Variants in RHBDL2 observed in about 807,000 individuals in gnomAD.
RHBDL2 encodes the protein rhomboid like 2, also known as rhomboid-related protein 2.
A neutral mutation model predicts 31.7 loss-of-function variants in RHBDL2; 26 were observed. The observed-to-expected ratio is 0.82, with a 90% CI of 0.60 to 1.14. The LOEUF is 1.14. RHBDL2 is among the 50% of genes most tolerant of loss of function. RHBDL2 has a pLI of 0.00. For synonymous variants in RHBDL2, 123 were observed against 127.2 expected, an observed-to-expected ratio of 0.97 and a Z score of 0.22; for missense variants, 336 against 364.4, an observed-to-expected ratio of 0.92 and a Z score of 0.63.
chr1:38,892,629 C>A (rs561696769), intron 6 of RHBDL2, among the ~76,000 whole-genome samples: 2 of 152,094 alleles, frequency 1.3e-5, no homozygotes, highest in African/African-American at 2.4e-5. Context: ...TGTGGAAAGG[C>A]CTTCTGAAGC....
At chr1:38,913,297 T>C (rs1222463427) in intron 3 of RHBDL2, among the ~76,000 whole-genome samples, 1 of 151,878 alleles carries the variant, frequency 6.6e-6, no homozygotes, top group Admixed American at 6.6e-5. Context: ...ACTATAATAC[T>C]GTACTGCCTT....
intron 5 of RHBDL2, among the ~76,000 whole-genome samples, chr1:38,894,543 G>T (rs1247287549): frequency 6.6e-6 from 1 of 151,636 alleles, no homozygotes; most frequent in Non-Finnish European, 1.5e-5. Flanking sequence ...GGATGGTCCC[G>T]ATCTCTTGAC....
chr1:38,916,577 G>C (rs1251518192), intron 2 of RHBDL2, among the ~76,000 whole-genome samples: 2 of 152,156 alleles, frequency 1.3e-5, no homozygotes, highest in African/African-American at 2.4e-5. Flanking sequence ...AGACGCAGTG[G>C]CTCATGCCTA....
intron 6 of RHBDL2, among the ~76,000 whole-genome samples, 172 bp downstream of exon 6, chr1:38,892,992 C>T (rs551420582): frequency 6.6e-6 from 1 of 152,330 alleles, no homozygotes; most frequent in African/African-American, 2.4e-5. Flanking sequence ...ATTTATCTTT[C>T]TAATAAAACC....
At chr1:38,934,013 C>T (rs1229319568) in intron 1 of RHBDL2, among the ~76,000 whole-genome samples, 2 of 152,094 alleles carry the variant, frequency 1.3e-5, no homozygotes, top group Non-Finnish European at 2.9e-5. Context: ...CAGGAGTTAT[C>T]CACCGTGCTG....
intron 1 of RHBDL2, among the ~76,000 whole-genome samples, chr1:38,938,689 T>G (rs1457978848): frequency 3.9e-5 from 6 of 152,212 alleles, no homozygotes; most frequent in Non-Finnish European, 8.8e-5. Context: ...CCTTTACAAC[T>G]CCTCTGCAAA....
At chr1:38,926,018 C>G in intron 1 of RHBDL2, 7 of 1,264,020 alleles carry the variant, frequency 5.5e-6, no homozygotes, top group Non-Finnish European at 6.2e-6. Flanking sequence ...ACAACATGTA[C>G]GTAGTCGTCA....
At chr1:38,903,846 T>C (rs1222046582) in intron 4 of RHBDL2, among the ~76,000 whole-genome samples, 2 of 152,174 alleles carry the variant, frequency 1.3e-5, no homozygotes, top group Non-Finnish European at 2.9e-5. Context: ...AGATATGTGG[T>C]ATTGGTGTAA....
chr1:38,939,577 T>C (rs1215589781), intron 1 of RHBDL2, among the ~76,000 whole-genome samples: 1 of 151,946 alleles, frequency 6.6e-6, no homozygotes, highest in African/African-American at 2.4e-5. Context: ...TTCAGGAGGC[T>C]GAGGTGAGAG....
At chr1:38,905,502 C>A (rs951983693) in intron 4 of RHBDL2, among the ~76,000 whole-genome samples, 9 of 151,750 alleles carry the variant, frequency 5.9e-5, no homozygotes, top group East Asian at 1.9e-4. Context: ...GTAATCCCAG[C>A]ACTTTGGGAG....
At chr1:38,926,071 G>A (rs1180149967) in intron 1 of RHBDL2, 4 of 1,240,358 alleles carry the variant, frequency 3.2e-6, no homozygotes, top group Non-Finnish European at 4.2e-6. Context: ...CTGGTGGGCA[G>A]CAGGAAACGG....
chr1:38,892,257 T>C (rs892127627), intron 6 of RHBDL2, among the ~76,000 whole-genome samples: 4 of 152,186 alleles, frequency 2.6e-5, no homozygotes. Context: ...TGGATCAGTT[T>C]TTTTTTTAAT....
intron 5 of RHBDL2, among the ~76,000 whole-genome samples, chr1:38,895,071 G>C (rs978778738): frequency 1.3e-5 from 2 of 151,990 alleles, no homozygotes; most frequent in African/African-American, 2.4e-5. Context: ...TTTTTTCAGC[G>C]AGAGATTCAT....
chr1:38,915,235 C>A (rs141597728), intron 3 of RHBDL2, among the ~76,000 whole-genome samples: 4,209 of 150,958 alleles, frequency 0.028, 81 homozygotes, highest in Non-Finnish European at 0.043. Flanking sequence ...CAGGTTCAAG[C>A]AATTCTCCTG....
intron 1 of RHBDL2, among the ~76,000 whole-genome samples, chr1:38,935,343 G>A (rs1252346885): frequency 6.6e-6 from 1 of 152,162 alleles, no homozygotes; most frequent in East Asian, 1.9e-4. Context: ...TAAATAAAGA[G>A]CTAAAGCTCT....
At chr1:38,914,453 G>T (rs1006531401) in intron 3 of RHBDL2, among the ~76,000 whole-genome samples, 1 of 151,598 alleles carries the variant, frequency 6.6e-6, no homozygotes, top group Non-Finnish European at 1.5e-5. Context: ...TATTGGTCAG[G>T]CTGGTCTTGA....
chr1:38,901,769 T>A (rs958078905), intron 4 of RHBDL2, among the ~76,000 whole-genome samples: 3 of 151,082 alleles, frequency 2.0e-5, no homozygotes, highest in African/African-American at 7.3e-5. Context: ...CCGGTGCAGG[T>A]TGCAGTGAGC....
At chr1:38,927,887 TAACTTACTC>T (rs1449646870) in intron 1 of RHBDL2, among the ~76,000 whole-genome samples, 1 of 152,096 alleles carries the variant, frequency 6.6e-6, no homozygotes, top group Non-Finnish European at 1.5e-5. Flanking sequence ...GCTCCCAAAG[TAACTTACTC>T]AAGGTCTCAC....
chr1:38,890,272 G>A lies in RHBDL2; in HGVS notation c.671-2248C>T, dbSNP rs1037834836. 2.2e-4 allele frequency among the ~76,000 whole-genome samples: 34 copies of A among 152,046 alleles called. 1 individual carries two copies. The highest frequency in any genetic ancestry group is 2.1e-4 in the South Asian group (1 of 4,802). On this transcript the variant is annotated intron_variant, in intron 6 of 7. Transcript: ENST00000372990. Reference sequence around the variant, plus strand: ...CCTGACCTCGTGATCCACCCGCCTCGGCTTCCTAAAGTGCTGCGATTACAG... The same window carrying A: ...CCTGACCTCGTGATCCACCCGCCTCAGCTTCCTAAAGTGCTGCGATTACAG...
Sources: allele counts gnomAD v4.1 joint callset (sites outside exome capture counted in the v4.1 genomes callset), GRCh38; gene constraint gnomAD v4.1.1; transcripts MANE v1.5; gene names NCBI Gene and HGNC (gene_info 2026-07-23, HGNC 2026-07-21).